NEGR1: variants seen among roughly 807,000 people sequenced by gnomAD.
The protein encoded by NEGR1 is neuronal growth regulator 1, also known as IgLON family member 4.
In NEGR1, 10 loss-of-function variants were observed where a neutral mutation model predicts 40.9. The ratio of observed to expected loss-of-function variants is 0.24; its 90% CI spans 0.15 to 0.42. The LOEUF is 0.42. Ranked by LOEUF, NEGR1 falls within the 10% of genes least tolerant of loss-of-function variation. The pLI, the probability that NEGR1 is intolerant of heterozygous loss-of-function variation, is 1.00. For missense variants in NEGR1, 352 were observed against 438.9 expected, an observed-to-expected ratio of 0.80 and a Z score of 1.77; for synonymous variants, 185 against 166.8, an observed-to-expected ratio of 1.11 and a Z score of -0.84.
At chr1:71,844,533 G>C (rs1659341258) in intron 2 of NEGR1, among the ~76,000 whole-genome samples, 1 of 152,134 alleles carries the variant, frequency 6.6e-6, no homozygotes, top group African/African-American at 2.4e-5. Context: ...GCTGAAAAGA[G>C]AGGAAGTATT....
chr1:71,557,081 C>T (rs1648277083), intron 6 of NEGR1, among the ~76,000 whole-genome samples: 2 of 151,620 alleles, frequency 1.3e-5, no homozygotes, highest in South Asian at 4.1e-4. Context: ...AAAGGTCTTT[C>T]CCACTACAGC....
At chr1:71,432,975 G>A (rs1330746770) in intron 6 of NEGR1, among the ~76,000 whole-genome samples, 1 of 152,138 alleles carries the variant, frequency 6.6e-6, no homozygotes, top group African/African-American at 2.4e-5. Context: ...CAAGGGCCTT[G>A]CCTCCCATAA....
At chr1:71,643,336 T>TGGG (rs1651419129) in intron 4 of NEGR1, among the ~76,000 whole-genome samples, 2 of 152,036 alleles carry the variant, frequency 1.3e-5, no homozygotes, top group South Asian at 4.1e-4. Context: ...GTGATGGCGA[T>TGGG]GGTATTGGTG....
At chr1:71,410,968 C>T (rs1569840098) in intron 6 of NEGR1, among the ~76,000 whole-genome samples, 1 of 152,180 alleles carries the variant, frequency 6.6e-6, no homozygotes, top group Middle Eastern at 3.4e-3. Context: ...TAAGCATTAC[C>T]GCCTTTCCCC....
At chr1:72,034,385 G>A (rs533645194) in intron 1 of NEGR1, among the ~76,000 whole-genome samples, 2 of 152,300 alleles carry the variant, frequency 1.3e-5, no homozygotes, top group South Asian at 4.1e-4. Flanking sequence ...AAAGGGAAGG[G>A]AAGAATGTTG....
At chr1:71,876,410 G>A (rs552069333) in intron 2 of NEGR1, among the ~76,000 whole-genome samples, 2 of 152,116 alleles carry the variant, frequency 1.3e-5, no homozygotes, top group Admixed American at 1.3e-4. Flanking sequence ...AGCTAATCTA[G>A]GGGCTCAGTC....
intron 1 of NEGR1, among the ~76,000 whole-genome samples, chr1:71,996,894 G>T (rs1056991405): frequency 2.6e-5 from 4 of 151,872 alleles, no homozygotes; most frequent in Admixed American, 2.6e-4. Flanking sequence ...TGTTTTCCCT[G>T]ATTCTCTTTG....
chr1:71,424,466 T>C (rs1330215885), intron 6 of NEGR1, among the ~76,000 whole-genome samples: 1 of 152,186 alleles, frequency 6.6e-6, no homozygotes, highest in Non-Finnish European at 1.5e-5. Context: ...CCCCAGACAT[T>C]CCCATCCCCT....
intron 1 of NEGR1, among the ~76,000 whole-genome samples, chr1:72,037,378 A>T (rs1269964001): frequency 1.3e-5 from 2 of 152,282 alleles, no homozygotes; most frequent in East Asian, 1.9e-4. Context: ...AACATTATGA[A>T]GTCAATATTA....
chr1:71,931,964 C>G (rs1029533388), intron 2 of NEGR1, among the ~76,000 whole-genome samples: 1 of 152,044 alleles, frequency 6.6e-6, no homozygotes, highest in Admixed American at 6.6e-5. Flanking sequence ...TTTGATTTAT[C>G]AAAACCATGT....
chr1:71,776,231 G>C lies in NEGR1; in HGVS notation c.476C>G (p.Thr159Ser). ...CTCTGGTTTCCCAGTGGCCAAACAA[G>C]TAAGAGTGACGTTGGTTCCTTCATT... ...TVNEGTNVTL[T>S]CLATGKPEPS... is the part of the protein sequence containing the mutation. Residue 159 changes from threonine to serine, a missense_variant, in exon 3 of 7, where the codon ACT becomes AGT. Transcript: ENST00000357731. 1.9e-6 allele frequency: 3 copies of C among 1,608,790 alleles called. No homozygotes were observed. The highest frequency in any genetic ancestry group is 2.5e-6 in the Non-Finnish European group (3 of 1,176,616).
chr1:71,872,422 A>G (rs1251266088), intron 2 of NEGR1, among the ~76,000 whole-genome samples: 2 of 152,190 alleles, frequency 1.3e-5, no homozygotes, highest in Admixed American at 6.5e-5. Flanking sequence ...AGCCAGTTAC[A>G]AGGGGCCCTG....
chr1:72,251,960 A>C (rs1655112593), intron 1 of NEGR1, among the ~76,000 whole-genome samples: 1 of 152,180 alleles, frequency 6.6e-6, no homozygotes, highest in South Asian at 2.1e-4. Context: ...ATTACTTTTT[A>C]ATGTATGGCT....
intron 1 of NEGR1, among the ~76,000 whole-genome samples, chr1:72,074,103 C>T (rs1429890489): frequency 6.6e-6 from 1 of 151,894 alleles, no homozygotes; most frequent in Admixed American, 6.6e-5. Flanking sequence ...TTAAACTGGA[C>T]CCTTTGTTTT....
intron 1 of NEGR1, among the ~76,000 whole-genome samples, chr1:72,008,359 A>G (rs1646627525): frequency 6.6e-6 from 1 of 152,248 alleles, no homozygotes; most frequent in South Asian, 2.1e-4. Flanking sequence ...ATCTAATAAA[A>G]TGTACTTATT....
chr1:72,093,796 T>C (rs1557523100), intron 1 of NEGR1, among the ~76,000 whole-genome samples: 1 of 152,208 alleles, frequency 6.6e-6, no homozygotes, highest in African/African-American at 2.4e-5. Context: ...ATGTTCTGAC[T>C]TCTTAATAAA....
intron 6 of NEGR1, among the ~76,000 whole-genome samples, chr1:71,533,090 C>T (rs1276490092): frequency 6.6e-6 from 1 of 151,474 alleles, no homozygotes; most frequent in African/African-American, 2.4e-5. Flanking sequence ...TACACAACAC[C>T]CCATCACTGA....
chr1:72,076,368 A>C (rs1271033965), intron 1 of NEGR1, among the ~76,000 whole-genome samples: 1 of 152,122 alleles, frequency 6.6e-6, no homozygotes, highest in Non-Finnish European at 1.5e-5. Context: ...CAAGACACCA[A>C]ATTTGCCTAC....
chr1:72,231,296 C>A (rs918904675), intron 1 of NEGR1, among the ~76,000 whole-genome samples: 1 of 152,172 alleles, frequency 6.6e-6, no homozygotes, highest in Non-Finnish European at 1.5e-5. Context: ...TCTTTACAAC[C>A]TTTTAAAAGT....
Sources: gnomAD v4.1 joint callset for allele counts (sites outside exome capture counted in the v4.1 genomes callset) on GRCh38, gnomAD v4.1.1 for gene constraint, MANE v1.5 for transcripts, NCBI Gene and HGNC (gene_info 2026-07-23, HGNC 2026-07-21) for gene names.